SLC1A6: variants seen among roughly 807,000 people sequenced by gnomAD.
The protein encoded by SLC1A6 is solute carrier family 1 member 6.
SLC1A6 carries 15 observed loss-of-function variants against 42.1 expected under a neutral mutation model. The ratio of observed to expected loss-of-function variants is 0.36; its 90% CI spans 0.24 to 0.55. The LOEUF (loss-of-function observed/expected upper bound fraction) is 0.55. Ranked by LOEUF, SLC1A6 falls within the 20% of genes least tolerant of loss-of-function variation. The pLI is 0.88. For synonymous variants in SLC1A6, 317 were observed against 319.7 expected (o/e 0.99, Z 0.09); for missense variants, 542 against 772.5 (o/e 0.70, Z 3.54).
At chr19:14,972,682 C>T (rs1207896054) in intron 2 of SLC1A6, 24 bp downstream of exon 2, 6 of 1,604,454 alleles carry the variant, frequency 3.7e-6, no homozygotes, top group Non-Finnish European at 3.4e-6. Context: ...CTGAAGTCCC[C>T]GCCCTCCAAG....
At chr19:14,966,128 C>A (rs1001784538) in intron 4 of SLC1A6, among the ~76,000 whole-genome samples, 1 of 152,108 alleles carries the variant, frequency 6.6e-6, no homozygotes, top group African/African-American at 2.4e-5. Flanking sequence ...TCAGAATTCT[C>A]CACTATATAA....
chr19:15,007,365 T>G (rs772297241), intron 1 of SLC1A6, among the ~76,000 whole-genome samples: 3 of 151,704 alleles, frequency 2.0e-5, no homozygotes, highest in Non-Finnish European at 4.4e-5. Context: ...AGCAGATGAG[T>G]GGTTACCAGG....
chr19:14,955,961 A>G (rs16980152), intron 7 of SLC1A6, among the ~76,000 whole-genome samples: 19,703 of 152,104 alleles, frequency 0.13, 1,617 homozygotes, highest in African/African-American at 0.24. Context: ...AAATTCTTCC[A>G]TCTTTTTGGC....
intron 9 of SLC1A6, among the ~76,000 whole-genome samples, chr19:14,952,272 T>G (rs1452083506): frequency 3.1e-5 from 2 of 64,990 alleles, no homozygotes; most frequent in African/African-American, 1.7e-4. Context: ...AAACATAATC[T>G]CAAAAAAAAA....
At chr19:15,010,267 T>C (rs1488200599) in intron 1 of SLC1A6, among the ~76,000 whole-genome samples, 1 of 148,122 alleles carries the variant, frequency 6.8e-6, no homozygotes, top group Non-Finnish European at 1.5e-5. Flanking sequence ...AAAAAGCTAC[T>C]TTTGGGTAGT....
intron 1 of SLC1A6, among the ~76,000 whole-genome samples, chr19:14,996,528 T>TTTC (rs200628639): frequency 0.08 from 10,023 of 125,872 alleles, 537 homozygotes; most frequent in Admixed American, 0.11. Flanking sequence ...CCTCCTCCTC[T>TTTC]TTCTTCTTCT....
intron 8 of SLC1A6, 82 bp from the exon 9 acceptor site, chr19:14,953,144 G>A: frequency 9.3e-7 from 1 of 1,071,150 alleles, no homozygotes; most frequent in Non-Finnish European, 1.4e-6. Flanking sequence ...AGAGAGAAGG[G>A]AAGAGATCAG....
At chr19:14,962,734 C>G (rs1156816571) in intron 5 of SLC1A6, among the ~76,000 whole-genome samples, 1 of 152,120 alleles carries the variant, frequency 6.6e-6, no homozygotes, top group Non-Finnish European at 1.5e-5. Flanking sequence ...GAAACCCTGT[C>G]TCTACTAAAA....
At chr19:14,997,661 A>AGGC (rs1326919124) in intron 1 of SLC1A6, among the ~76,000 whole-genome samples, 5 of 152,304 alleles carry the variant, frequency 3.3e-5, no homozygotes, top group African/African-American at 1.2e-4. Flanking sequence ...ACACAGAGAC[A>AGGC]GGCCAGGAAT....
At chr19:14,971,587 T>C (rs2285979) in intron 3 of SLC1A6, 150 bp downstream of exon 3, 129,009 of 730,982 alleles carry the variant, frequency 0.18, 12,708 homozygotes, top group South Asian at 0.26. Context: ...CTGGGCTTTG[T>C]TTGGCCAAGG....
chr19:14,998,331 G>A (rs1246895905), intron 1 of SLC1A6, among the ~76,000 whole-genome samples: 2 of 152,022 alleles, frequency 1.3e-5, no homozygotes, highest in Non-Finnish European at 2.9e-5. Flanking sequence ...ACTTGAGGGT[G>A]GGAGTTCAAG....
At chr19:14,991,753 G>A (rs776318279) in intron 1 of SLC1A6, among the ~76,000 whole-genome samples, 1 of 151,056 alleles carries the variant, frequency 6.6e-6, no homozygotes, top group Non-Finnish European at 1.5e-5. Context: ...AAATCAAAAT[G>A]AATGCAAAAA....
At chr19:14,988,629 C>A (rs2886790) in intron 1 of SLC1A6, among the ~76,000 whole-genome samples, 81,175 of 152,004 alleles carry the variant, frequency 0.53, 21,834 homozygotes, top group South Asian at 0.68. Flanking sequence ...TAGAATACTA[C>A]TCAGCCATTA....
chr19:14,959,608 T>A (rs1248031417), intron 6 of SLC1A6, among the ~76,000 whole-genome samples: 1 of 152,232 alleles, frequency 6.6e-6, no homozygotes, highest in Non-Finnish European at 1.5e-5. Context: ...ATGTACAAAG[T>A]CTTCTCCCAT....
chr19:14,983,706 A>G (rs2045779088), upstream of SLC1A6, among the ~76,000 whole-genome samples: 1 of 144,270 alleles, frequency 6.9e-6, no homozygotes, highest in Non-Finnish European at 1.5e-5. Flanking sequence ...AACAACAACA[A>G]GAACAACAAC....
rs776435229 is a variant in SLC1A6, at chr19:14,952,978, G to A, written c.1449C>T (p.Val483=). 4.0e-5 allele frequency: 65 copies of A among 1,613,834 alleles called. No individual in the cohort carries two copies. The highest frequency in any genetic ancestry group is 1.7e-4 in the African/African-American group (13 of 74,872). Residue 483 remains valine, a synonymous_variant, in exon 9 of 10, where the codon GTC becomes GTT. Coordinates refer to ENST00000594383, the MANE Select transcript of SLC1A6 (RefSeq NM_005071.3). ...LVTMVIVLTS[V]GLPTEDITLI... Reference sequence around the variant, plus strand: ...GCGTGATGTCTTCCGTGGGCAAGCCGACCGACGTAAGCACAATGACCATGG... The same window carrying A: ...GCGTGATGTCTTCCGTGGGCAAGCCAACCGACGTAAGCACAATGACCATGG...
chr19:14,992,779 G>GGCAGT (rs1018100136), intron 1 of SLC1A6, among the ~76,000 whole-genome samples: 2 of 152,154 alleles, frequency 1.3e-5, no homozygotes, highest in African/African-American at 4.8e-5. Context: ...AGGAGGGCAG[G>GGCAGT]GCAGTGCAGA....
At chr19:14,999,027 G>A (rs995253881) in intron 1 of SLC1A6, among the ~76,000 whole-genome samples, 24 of 152,038 alleles carry the variant, frequency 1.6e-4, no homozygotes, top group Non-Finnish European at 2.2e-4. Context: ...ACAGGTGCCC[G>A]CCACCACACC....
intron 4 of SLC1A6, among the ~76,000 whole-genome samples, chr19:14,965,505 A>G (rs1336416854): frequency 3.9e-5 from 6 of 152,220 alleles, no homozygotes; most frequent in African/African-American, 1.4e-4. Context: ...TGATGAGTGC[A>G]TAAAGAACAC....
Sources: allele counts gnomAD v4.1 joint callset (sites outside exome capture counted in the v4.1 genomes callset), GRCh38; gene constraint gnomAD v4.1.1; transcripts MANE v1.5; gene names NCBI Gene and HGNC (gene_info 2026-07-23, HGNC 2026-07-21).